CASZ1: variants seen among roughly 807,000 people sequenced by gnomAD.
The protein encoded by CASZ1 is zinc finger protein castor homolog 1.
Under a neutral mutation model 135.2 loss-of-function variants are expected in CASZ1, and 28 were observed. That is an observed-to-expected ratio of 0.21 (90% confidence interval 0.15 to 0.28). The LOEUF (loss-of-function observed/expected upper bound fraction) is 0.28. CASZ1 is among the 10% of genes least tolerant of loss of function. The pLI is 1.00. For synonymous variants in CASZ1, 1,068 were observed against 1,073.4 expected, an observed-to-expected ratio of 0.99 and a Z score of 0.10; for missense variants, 2,161 against 2,453.3, an observed-to-expected ratio of 0.88 and a Z score of 2.52.
At chr1:10,791,258 C>A (rs1640951155) in intron 1 of CASZ1, among the ~76,000 whole-genome samples, 1 of 152,132 alleles carries the variant, frequency 6.6e-6, no homozygotes, top group Non-Finnish European at 1.5e-5. Flanking sequence ...AGCTACTTTT[C>A]CTGGAAAAAG....
chr1:10,646,300 T>C lies in CASZ1; in HGVS notation c.3524A>G (p.Lys1175Arg). 6.2e-7 allele frequency: 1 copy of C among 1,614,138 alleles called. No individual in the cohort carries two copies. Among genetic ancestry groups the C allele is most frequent in the Non-Finnish European group, 8.5e-7 (1 of 1,180,016 alleles). ...ENDPCLATDCKYANKFHFHCL... is the reference protein window; with the variant it reads ...ENDPCLATDCRYANKFHFHCL... ...GTGGAAGTGGAACTTGTTGGCGTAC[T>C]TGCAGTCCGTGGCGAGGCAAGGATC... The change falls in exon 17 of 21, where the codon AAG becomes AGG. Residue 1175 changes from lysine to arginine, a missense_variant. Transcript: ENST00000377022. This position sits in a 1 kb window ranked among gnomAD's most constrained non-coding sequence, Gnocchi z 6.4.
rs1411729583 is a variant in CASZ1, at chr1:10,699,288, G to A, written c.-23-5376C>T. ...CAGGAGGAACGCCCTTGTGCCCTGGGAGAGGATCACACTTTCCCCCCATTT... is the reference window on the plus strand; with the variant it reads ...CAGGAGGAACGCCCTTGTGCCCTGGAAGAGGATCACACTTTCCCCCCATTT... On this transcript the variant is annotated intron_variant, in intron 3 of 20. Coordinates refer to ENST00000377022, the MANE Select transcript of CASZ1 (RefSeq NM_001079843.3). The surrounding 1 kb of genome is among the most constrained non-coding windows in gnomAD (Gnocchi z 4.6). 1.3e-5 allele frequency among the ~76,000 whole-genome samples: 2 copies of A among 152,220 alleles called. No individual in the cohort carries two copies. The highest frequency in any genetic ancestry group is 2.9e-5 in the Non-Finnish European group (2 of 68,038).
In CASZ1 at chr1:10,756,578, G is replaced by C. The variant is rs1302493839; in HGVS notation, c.-77+4123C>G. On this transcript the variant is annotated intron_variant, in intron 2 of 20. Coordinates refer to ENST00000377022, the MANE Select transcript of CASZ1 (RefSeq NM_001079843.3). The surrounding 1 kb of genome is among the most constrained non-coding windows in gnomAD (Gnocchi z 5.9). ...TGGGGATCACTGCTATCACAGCATC[G>C]ATGCTGGGACTGCCTGCCCCAACCT... 2.6e-5 allele frequency among the ~76,000 whole-genome samples: 4 copies of C among 152,226 alleles called. No homozygotes were observed. Among genetic ancestry groups the C allele is most frequent in the Admixed American group, 6.5e-5 (1 of 15,288 alleles).
chr1:10,732,058 C>T (rs900032952), intron 2 of CASZ1, among the ~76,000 whole-genome samples: 7 of 151,978 alleles, frequency 4.6e-5, no homozygotes, highest in Non-Finnish European at 1.0e-4. Context: ...GGCATGATGA[C>T]TCATGCCTGT....
rs1642372137 is a variant in CASZ1, at chr1:10,646,685, G to A, written c.3498-359C>T. On this transcript the variant is annotated intron_variant, in intron 16 of 20. Coordinates refer to ENST00000377022, the MANE Select transcript of CASZ1 (RefSeq NM_001079843.3). The surrounding 1 kb of genome is among the most constrained non-coding windows in gnomAD (Gnocchi z 6.4). ...AAGGATGGTGCTGCCAGCCCTGGCGGGGTGCCGTGAGGCCCTGGCTGGCGT... is the reference window on the plus strand; with the variant it reads ...AAGGATGGTGCTGCCAGCCCTGGCGAGGTGCCGTGAGGCCCTGGCTGGCGT... Among the ~76,000 whole-genome samples the A allele has an allele frequency of 6.6e-6, 1 of 152,258 alleles. No individual in the cohort carries two copies. Among genetic ancestry groups the A allele is most frequent in the South Asian group, 2.1e-4 (1 of 4,834 alleles).
chr1:10,715,954 C>T (rs1297127140), intron 2 of CASZ1, among the ~76,000 whole-genome samples: 5 of 137,740 alleles, frequency 3.6e-5, no homozygotes, highest in African/African-American at 5.5e-5. Flanking sequence ...CAATCCACAC[C>T]CCACAGCACC....
intron 4 of CASZ1, among the ~76,000 whole-genome samples, chr1:10,672,326 C>T (rs770993233): frequency 1.3e-5 from 2 of 151,278 alleles, no homozygotes; most frequent in Non-Finnish European, 2.9e-5. Flanking sequence ...AAGGTCATTA[C>T]AAACGACTTT....
At chr1:10,682,085 GA>G (rs1638442104) in intron 4 of CASZ1, among the ~76,000 whole-genome samples, 1 of 152,212 alleles carries the variant, frequency 6.6e-6, no homozygotes, top group Non-Finnish European at 1.5e-5. Flanking sequence ...TTGAAAAAAA[GA>G]TGGGGGAAAA....
intron 2 of CASZ1, among the ~76,000 whole-genome samples, chr1:10,710,011 T>G (rs1639256752): frequency 6.6e-6 from 1 of 152,114 alleles, no homozygotes; most frequent in Non-Finnish European, 1.5e-5. Flanking sequence ...GGCACAGTCT[T>G]GGTTGGAATT....
chr1:10,711,247 C>T lies in CASZ1; in HGVS notation c.-76-5703G>A, dbSNP rs1639280271. 6.6e-6 allele frequency among the ~76,000 whole-genome samples: 1 copy of T among 152,248 alleles called. No homozygotes were observed. The highest frequency in any genetic ancestry group is 2.4e-5 in the African/African-American group (1 of 41,464). The stretch of plus-strand genomic sequence containing the variant: ...TGGGTACGCAGGCTGCTTAACCTCT[C>T]CAGGCCCCAGCTTCTTCCATTGAAA... On this transcript the variant is annotated intron_variant, in intron 2 of 20. Transcript: ENST00000377022. The surrounding 1 kb of genome is among the most constrained non-coding windows in gnomAD (Gnocchi z 4.4).
chr1:10,694,360 G>T lies in CASZ1; in HGVS notation c.-23-448C>A, dbSNP rs1371019817. 1.8e-6 allele frequency: 2 copies of T among 1,122,514 alleles called. No homozygotes were observed. The highest frequency in any genetic ancestry group is 3.2e-5 in the Admixed American group (1 of 30,904). The allele number at this position is 1,122,514 out of a possible 1,614,324, so 69.5% of individuals were successfully genotyped here. On this transcript the variant is annotated intron_variant, in intron 3 of 20. Coordinates refer to ENST00000377022, the MANE Select transcript of CASZ1 (RefSeq NM_001079843.3). This position sits in a 1 kb window ranked among gnomAD's most constrained non-coding sequence, Gnocchi z 6.6. Reference sequence around the variant, plus strand: ...TCAACTTTCATAATACTTAATTAATGCCTAATTGCAACTGATTACTCCCCG... The same window carrying T: ...TCAACTTTCATAATACTTAATTAATTCCTAATTGCAACTGATTACTCCCCG...
intron 5 of CASZ1, among the ~76,000 whole-genome samples, chr1:10,663,374 C>T (rs1643113146): frequency 6.7e-6 from 1 of 150,312 alleles, no homozygotes; most frequent in Non-Finnish European, 1.5e-5. Flanking sequence ...CCACCTGGCA[C>T]CCAGGGTGCA....
chr1:10,683,511 C>A lies in CASZ1; in HGVS notation c.16+10363G>T, dbSNP rs540706233. Reference sequence around the variant, plus strand: ...AACTGAAAATGGTCTCCCAGTGAACCGGGGGGCAAGGTCCCCATCTTCCCT... The same window carrying A: ...AACTGAAAATGGTCTCCCAGTGAACAGGGGGGCAAGGTCCCCATCTTCCCT... On this transcript the variant is annotated intron_variant, in intron 4 of 20. Transcript: ENST00000377022. Among the ~76,000 whole-genome samples, 4 of 152,136 alleles carry A rather than the reference C, an allele frequency of 2.6e-5. No homozygotes were observed. In the East Asian group the frequency reaches 7.7e-4, roughly 29 times the overall value.
chr1:10,656,783 C>A (rs756991397), intron 7 of CASZ1, 47 bp from the exon 8 acceptor site: 1 of 1,015,114 alleles, frequency 9.9e-7, no homozygotes, highest in Non-Finnish European at 1.5e-6. Flanking sequence ...GGGTGACAGT[C>A]CCAGCCCCAG....
rs1272790740 is a variant in CASZ1, at chr1:10,697,865, T to C, written c.-23-3953A>G. 1.3e-5 allele frequency among the ~76,000 whole-genome samples: 2 copies of C among 152,222 alleles called. No individual in the cohort carries two copies. Among genetic ancestry groups the C allele is most frequent in the Admixed American group, 6.5e-5 (1 of 15,288 alleles). ...GCCTGCGAACAAGCATGTTCGCACC[T>C]GCGAGGGAGTCCGTGTGTTTGCGTG... On this transcript the variant is annotated intron_variant, in intron 3 of 20. Transcript: ENST00000377022. This position sits in a 1 kb window ranked among gnomAD's most constrained non-coding sequence, Gnocchi z 4.7.
In CASZ1 at chr1:10,726,263, G is replaced by C. The variant is rs1432013279; in HGVS notation, c.-76-20719C>G. Among the ~76,000 whole-genome samples the C allele has an allele frequency of 6.6e-6, 1 of 152,132 alleles. No individual in the cohort carries two copies. Among genetic ancestry groups the C allele is most frequent in the Non-Finnish European group, 1.5e-5 (1 of 68,008 alleles). ...CAGAAACCCTGTAGGAGACACCACT[G>C]TTCATGCCCTCATTTACGGAGGAGG... On this transcript the variant is annotated intron_variant, in intron 2 of 20. Transcript: ENST00000377022. The surrounding 1 kb of genome is among the most constrained non-coding windows in gnomAD (Gnocchi z 5.7).
Position 10,647,718 on chromosome 1 carries a change from A to G in CASZ1, c.3497+83T>C. ...ACAGCAGCACCATCCGCAGTGAGGA[A>G]CAGGGCCTCCTAGCGCCCTTGCTAG... On this transcript the variant is annotated intron_variant, in intron 16 of 20. Transcript: ENST00000377022. This position sits in a 1 kb window ranked among gnomAD's most constrained non-coding sequence, Gnocchi z 4.9. 1 of 1,590,940 alleles carries G rather than the reference A, an allele frequency of 6.3e-7. No homozygotes were observed. The highest frequency in any genetic ancestry group is 1.1e-5 in the South Asian group (1 of 89,230).
chr1:10,655,935 G>T, intron 8 of CASZ1, 122 bp from the exon 9 acceptor site: 1 of 959,612 alleles, frequency 1.0e-6, no homozygotes, highest in Non-Finnish European at 1.6e-6. Flanking sequence ...ACCCTGCTTG[G>T]GGTCAAGGCA....
At chr1:10,748,624 C>T (rs766119896) in intron 2 of CASZ1, among the ~76,000 whole-genome samples, 2 of 152,296 alleles carry the variant, frequency 1.3e-5, no homozygotes, top group South Asian at 4.1e-4. Context: ...ACCTCTTTCT[C>T]GCAGTCAGCT....
Sources: allele counts gnomAD v4.1 joint callset (sites outside exome capture counted in the v4.1 genomes callset), GRCh38; gene constraint gnomAD v4.1.1; non-coding constraint Gnocchi (gnomAD v3.1); transcripts MANE v1.5; gene names NCBI Gene and HGNC (gene_info 2026-07-23, HGNC 2026-07-21).